The following FSTL4 variants were observed in gnomAD, a reference collection of about 807,000 sequenced individuals.
The protein encoded by FSTL4 is follistatin like 4, also known as follistatin-related protein 4.
Under a neutral mutation model 78.2 loss-of-function variants are expected in FSTL4, and 28 were observed. The observed-to-expected ratio is 0.36, with a 90% CI of 0.27 to 0.49. The LOEUF is 0.49. Among genes scored for constraint, FSTL4 ranks in the 20% least tolerant of loss-of-function variants. The probability of loss-of-function intolerance (pLI) is 0.98; values close to 1 mark genes in which losing one functional copy is unlikely to be tolerated. For missense variants in FSTL4, 922 were observed against 1,084.9 expected (o/e 0.85, Z 2.11); for synonymous variants, 422 against 440.5 (o/e 0.96, Z 0.53).
chr5:133,306,336 C>T (rs566815632), intron 6 of FSTL4, among the ~76,000 whole-genome samples: 3 of 152,254 alleles, frequency 2.0e-5, no homozygotes, highest in African/African-American at 4.8e-5. Context: ...ACGTGGCTGC[C>T]GGAGGTAAAG....
chr5:133,680,475 T>C, the FSTL4 span, among the ~76,000 whole-genome samples: 2 of 152,156 alleles, frequency 1.3e-5, no homozygotes, highest in Admixed American at 1.3e-4. Flanking sequence ...TGACCGAAAG[T>C]AAGCACTCCC....
At position 133,352,273 on chromosome 5, in the gene FSTL4, TATATATACACAC is replaced by T. The variant is rs1304125502; in HGVS notation, c.410-35633_410-35622del. On this transcript the variant is annotated intron_variant, in intron 4 of 15. Transcript: ENST00000265342. ...ACACACATATATATATACACACATA[TATATATACACAC>T]ATATATATACACACACATATATATA... 3.9e-3 allele frequency among the ~76,000 whole-genome samples: 541 copies of T among 137,784 alleles called. 8 individuals are homozygous for T. Among genetic ancestry groups the T allele is most frequent in the African/African-American group, 0.014 (498 of 35,840 alleles). The allele number at this position is 137,784 out of a possible 152,430, so 90.4% of individuals were successfully genotyped here.
chr5:133,782,780 T>G, the FSTL4 span, among the ~76,000 whole-genome samples: 1 of 152,196 alleles, frequency 6.6e-6, no homozygotes, highest in African/African-American at 2.4e-5. Context: ...GCCACATCCC[T>G]CAAGTCCCTG....
chr5:133,322,991 G>A (rs1323659091), intron 4 of FSTL4, among the ~76,000 whole-genome samples: 9 of 152,208 alleles, frequency 5.9e-5, no homozygotes, highest in Admixed American at 5.9e-4. Flanking sequence ...AGTATGAAAT[G>A]CTTGTTGAAT....
At chr5:133,437,265 G>A (rs1182073263) in intron 3 of FSTL4, among the ~76,000 whole-genome samples, 1 of 152,136 alleles carries the variant, frequency 6.6e-6, no homozygotes, top group Non-Finnish European at 1.5e-5. Flanking sequence ...TGGACATATT[G>A]GCCTGGAAAT....
intron 2 of FSTL4, among the ~76,000 whole-genome samples, chr5:133,586,219 AG>A (rs1760516342): frequency 9.8e-6 from 1 of 101,732 alleles, no homozygotes; most frequent in Admixed American, 1.1e-4. Context: ...CACAATTAAA[AG>A]AACTAGAAAA....
At chr5:133,470,075 A>G (rs1757790117) in intron 3 of FSTL4, among the ~76,000 whole-genome samples, 1 of 152,108 alleles carries the variant, frequency 6.6e-6, no homozygotes, top group East Asian at 1.9e-4. Context: ...CTCACGTGAC[A>G]CCCAGCTCCC....
intron 4 of FSTL4, among the ~76,000 whole-genome samples, chr5:133,372,245 C>CTATGTATCTATGTATGTATG (rs757202475): frequency 0.03 from 4,240 of 139,728 alleles, 99 homozygotes; most frequent in Non-Finnish European, 0.046. Flanking sequence ...ATCTATGTAT[C>CTATGTATCTATGTATGTATG]TATGTATGTA....
intron 3 of FSTL4, among the ~76,000 whole-genome samples, chr5:133,464,833 T>A (rs528698314): frequency 6.6e-6 from 1 of 152,316 alleles, no homozygotes; most frequent in East Asian, 1.9e-4. Flanking sequence ...TCATACAAAA[T>A]ATAGCGGACT....
At chr5:133,746,882 G>A in the FSTL4 span, among the ~76,000 whole-genome samples, 8 of 152,246 alleles carry the variant, frequency 5.3e-5, no homozygotes, top group South Asian at 2.1e-4. Flanking sequence ...TGAGAATACC[G>A]GGCAGATGAG....
chr5:133,653,777 T>C, the FSTL4 span, among the ~76,000 whole-genome samples: 1 of 152,184 alleles, frequency 6.6e-6, no homozygotes, highest in Admixed American at 6.5e-5. Context: ...ATATCTGTGA[T>C]TTATTCCCAT....
chr5:133,275,483 C>A (rs1302081556), intron 6 of FSTL4, among the ~76,000 whole-genome samples: 2 of 151,954 alleles, frequency 1.3e-5, no homozygotes, highest in African/African-American at 4.8e-5. Context: ...TCGCTTGAAC[C>A]CGGAAGGCGG....
At chr5:133,791,278 G>GCACACACACA in the FSTL4 span, among the ~76,000 whole-genome samples, 8 of 148,716 alleles carry the variant, frequency 5.4e-5, no homozygotes, top group Non-Finnish European at 1.0e-4. Flanking sequence ...ACATGTGCGT[G>GCACACACACA]CACACACACA....
At chr5:133,220,110 G>T (rs1419224522) in intron 12 of FSTL4, among the ~76,000 whole-genome samples, 1 of 152,226 alleles carries the variant, frequency 6.6e-6, no homozygotes, top group Admixed American at 6.5e-5. Context: ...TGAGTGAATT[G>T]TGCACAGTTA....
intron 4 of FSTL4, among the ~76,000 whole-genome samples, chr5:133,364,466 C>G (rs1450342412): frequency 6.6e-6 from 1 of 152,222 alleles, no homozygotes; most frequent in Non-Finnish European, 1.5e-5. Context: ...CCTCTTACAC[C>G]TGCTGAGCCC....
intron 6 of FSTL4, among the ~76,000 whole-genome samples, chr5:133,293,274 G>A (rs1324541914): frequency 6.6e-6 from 1 of 152,206 alleles, no homozygotes; most frequent in African/African-American, 2.4e-5. Context: ...CTTTCTTTTT[G>A]TGCCCTTTTC....
At chr5:133,302,637 A>C (rs533485196) in intron 6 of FSTL4, among the ~76,000 whole-genome samples, 341 of 152,256 alleles carry the variant, frequency 2.2e-3, no homozygotes, top group African/African-American at 7.7e-3. Flanking sequence ...GCAGTGAGTA[A>C]ACGGGAGCAT....
chr5:133,778,927 A>G, the FSTL4 span, among the ~76,000 whole-genome samples: 1 of 152,186 alleles, frequency 6.6e-6, no homozygotes. Context: ...AGCTGGGACA[A>G]CGTACAAAGT....
At chr5:133,258,331 T>C (rs1001787661) in intron 6 of FSTL4, among the ~76,000 whole-genome samples, 2 of 152,122 alleles carry the variant, frequency 1.3e-5, no homozygotes, top group African/African-American at 4.8e-5. Context: ...CTGGATGAGA[T>C]TGACATTTGA....
Sources: gnomAD v4.1 joint callset for allele counts (sites outside exome capture counted in the v4.1 genomes callset) on GRCh38, gnomAD v4.1.1 for gene constraint, MANE v1.5 for transcripts, NCBI Gene and HGNC (gene_info 2026-07-23, HGNC 2026-07-21) for gene names.